The following PAK3 variants were observed in gnomAD, a reference collection of about 807,000 sequenced individuals.
PAK3 encodes p21 (RAC1) activated kinase 3, also known as serine/threonine-protein kinase PAK 3.
PAK3 carries 4 observed loss-of-function variants against 41.0 expected under a neutral mutation model. That is an observed-to-expected ratio of 0.10 (90% CI 0.05 to 0.22). The LOEUF (loss-of-function observed/expected upper bound fraction) is 0.22. PAK3 is among the 10% of genes least tolerant of loss of function. The pLI, the probability that PAK3 is intolerant of heterozygous loss-of-function variation, is 1.00. For synonymous variants in PAK3, 146 were observed against 139.6 expected (o/e 1.05, Z -0.32); for missense variants, 205 against 409.9 (o/e 0.50, Z 4.32).
At chrX:111,087,134 AGTGTGTGTGTGT>A (rs112857612) in intron 1 of PAK3, among the ~76,000 whole-genome samples, 11 of 95,524 alleles carry the variant, frequency 1.2e-4, no homozygotes, top group African/African-American at 3.4e-4. Flanking sequence ...TGAACAAGTA[AGTGTGTGTGTGT>A]GTGTGTGTGT....
chrX:111,058,419 A>G (rs1482021644), intron 1 of PAK3, among the ~76,000 whole-genome samples: 2 of 111,485 alleles, frequency 1.8e-5, no homozygotes, highest in African/African-American at 3.3e-5. Context: ...TTTGATTTCA[A>G]TTTCCCTGAT....
intron 4 of PAK3, among the ~76,000 whole-genome samples, chrX:111,106,656 G>A (rs1268732872): frequency 9.0e-6 from 1 of 111,401 alleles, no homozygotes; most frequent in Admixed American, 9.5e-5. Flanking sequence ...CAATAGCCCT[G>A]CATTTATATA....
rs180796057 is a variant in PAK3 at position 111,039,299 on chromosome X, G to A, written c.-27-83778G>A. ...TTGACAAGAGGCTTTTGGTGAAACT[G>A]TTTCATTCGTGTGCTGGATGTCACT... On this transcript the variant is annotated intron_variant, in intron 1 of 14. Coordinates refer to the PAK3 transcript ENST00000425146. Among the ~76,000 whole-genome samples, 3 of 112,179 alleles carry A rather than the reference G, an allele frequency of 2.7e-5. No individual in the cohort carries two copies. In the East Asian group the frequency reaches 8.4e-4, roughly 31 times the overall value.
chrX:111,117,440 C>T (rs1427552884), intron 4 of PAK3, among the ~76,000 whole-genome samples: 1 of 111,429 alleles, frequency 9.0e-6, no homozygotes, highest in Admixed American at 9.6e-5. Flanking sequence ...GGAGATGATA[C>T]TTTCTTCTTC....
chrX:111,047,906 C>CA (rs1178349916), intron 1 of PAK3, among the ~76,000 whole-genome samples: 1 of 111,605 alleles, frequency 9.0e-6, no homozygotes, highest in Non-Finnish European at 1.9e-5. Flanking sequence ...CTGCTGCTTT[C>CA]AAAAAACAAA....
intron 4 of PAK3, among the ~76,000 whole-genome samples, chrX:111,115,434 G>T (rs1000639628): frequency 9.0e-6 from 1 of 111,405 alleles, no homozygotes; most frequent in African/African-American, 3.3e-5. Context: ...TACAAGTAAG[G>T]CCCTTGTCAG....
intron 8 of PAK3, among the ~76,000 whole-genome samples, chrX:111,160,681 T>G (rs1207886935): frequency 4.5e-5 from 5 of 111,126 alleles, no homozygotes; most frequent in Non-Finnish European, 9.4e-5. Flanking sequence ...GTGTTCTCAT[T>G]GTTCAATTCC....
At chrX:111,085,726 C>T (rs1031733941) in intron 1 of PAK3, among the ~76,000 whole-genome samples, 4 of 111,980 alleles carry the variant, frequency 3.6e-5, no homozygotes, top group African/African-American at 1.3e-4. Context: ...ACATTTTCAC[C>T]TCTGCAACTC....
intron 1 of PAK3, among the ~76,000 whole-genome samples, chrX:110,977,766 T>G (rs2091367226): frequency 8.9e-6 from 1 of 112,156 alleles, no homozygotes; most frequent in African/African-American, 3.2e-5. Context: ...TGCAACCCTA[T>G]TTAACTTGTT....
chrX:111,075,887 C>T (rs1255882453), intron 1 of PAK3, among the ~76,000 whole-genome samples: 2 of 112,678 alleles, frequency 1.8e-5, no homozygotes, highest in Non-Finnish European at 3.8e-5. Flanking sequence ...ACCAGTGTGC[C>T]CTGGCTGGTG....
At chrX:111,146,500 C>G (rs2093945863) in intron 6 of PAK3, 1 of 1,081,036 alleles carries the variant, frequency 9.3e-7, no homozygotes, top group Non-Finnish European at 1.3e-6. Flanking sequence ...TCTTTTCTTT[C>G]TTTATTTACG....
At chrX:111,015,604 C>T (rs1324753635) in intron 1 of PAK3, among the ~76,000 whole-genome samples, 3 of 111,540 alleles carry the variant, frequency 2.7e-5, no homozygotes, top group Non-Finnish European at 5.7e-5. Context: ...TCCTTGCAAA[C>T]CCTTGTTATT....
chrX:111,086,332 G>C (rs1196177383), intron 1 of PAK3, among the ~76,000 whole-genome samples: 1 of 110,993 alleles, frequency 9.0e-6, no homozygotes, highest in Non-Finnish European at 1.9e-5. Context: ...CCTAGGGTTG[G>C]GGGAAGAATG....
At chrX:111,122,619 C>T (rs1161822754) in intron 4 of PAK3, among the ~76,000 whole-genome samples, 3 of 111,295 alleles carry the variant, frequency 2.7e-5, no homozygotes, top group Non-Finnish European at 5.7e-5. Flanking sequence ...AAGGACATCT[C>T]GATGTTAAAG....
chrX:110,977,479 A>C, intron 1 of PAK3, among the ~76,000 whole-genome samples: 1 of 111,227 alleles, frequency 9.0e-6, no homozygotes, highest in Non-Finnish European at 1.9e-5. Context: ...GAATCTATAG[A>C]TCAATTTGGA....
At chrX:110,974,200 T>C (rs1352450138) in intron 1 of PAK3, among the ~76,000 whole-genome samples, 2 of 111,228 alleles carry the variant, frequency 1.8e-5, no homozygotes, top group Non-Finnish European at 3.8e-5. Context: ...AACTCAGCTC[T>C]GCAACAAGCA....
At chrX:111,013,050 G>A (rs981467390) in intron 1 of PAK3, among the ~76,000 whole-genome samples, 4 of 112,532 alleles carry the variant, frequency 3.6e-5, no homozygotes, top group Admixed American at 9.4e-5. Context: ...GATTACAGGC[G>A]TGAGCCACTG....
intron 3 of PAK3, among the ~76,000 whole-genome samples, chrX:111,101,055 C>T (rs2148892817): frequency 8.9e-6 from 1 of 112,138 alleles, no homozygotes; most frequent in Non-Finnish European, 1.9e-5. Flanking sequence ...ACATGCAACA[C>T]AGTACAGACA....
chrX:111,220,285 C>A, intron 17 of PAK3, 73 bp from the exon 18 acceptor site: 1 of 656,524 alleles, frequency 1.5e-6, no homozygotes, highest in Non-Finnish European at 2.5e-6. Context: ...AAAAGGGCTG[C>A]TTGAAAATGT....
Sources: allele counts gnomAD v4.1 joint callset (sites outside exome capture counted in the v4.1 genomes callset), GRCh38; gene constraint gnomAD v4.1.1; transcripts MANE v1.5; gene names NCBI Gene and HGNC (gene_info 2026-07-23, HGNC 2026-07-21).